RPS6KC1: variants seen among roughly 807,000 people sequenced by gnomAD.
RPS6KC1 encodes inactive ribosomal protein S6 kinase delta-1.
RPS6KC1 carries 54 observed loss-of-function variants against 103.8 expected under a neutral mutation model. The observed-to-expected ratio is 0.52, with a 90% CI of 0.42 to 0.65. The LOEUF (loss-of-function observed/expected upper bound fraction) is 0.65, where lower values mean the gene tolerates loss of function less well. RPS6KC1 is among the 30% of genes least tolerant of loss of function. The probability of loss-of-function intolerance (pLI) is 0.00; values close to 1 mark genes in which losing one functional copy is unlikely to be tolerated. For synonymous variants in RPS6KC1, 439 were observed against 438.7 expected, an observed-to-expected ratio of 1.00 and a Z score of -0.01; for missense variants, 1,151 against 1,253.8, an observed-to-expected ratio of 0.92 and a Z score of 1.24.
the RPS6KC1 span, among the ~76,000 whole-genome samples, chr1:213,486,994 C>T: frequency 6.6e-6 from 1 of 152,188 alleles, no homozygotes; most frequent in Non-Finnish European, 1.5e-5. Flanking sequence ...TACATCTGGT[C>T]AATCAGTCCT....
the RPS6KC1 span, among the ~76,000 whole-genome samples, chr1:213,490,687 T>C: frequency 6.6e-6 from 1 of 152,292 alleles, no homozygotes; most frequent in East Asian, 1.9e-4. Flanking sequence ...TAGTTCAAGA[T>C]GGCAGGACTG....
At chr1:213,424,725 G>T in the RPS6KC1 span, among the ~76,000 whole-genome samples, 3 of 152,246 alleles carry the variant, frequency 2.0e-5, no homozygotes, top group East Asian at 5.8e-4. Flanking sequence ...TGGGCATTTT[G>T]CAGGCAATGG....
At chr1:213,257,417 T>C (rs1327236271) in intron 12 of RPS6KC1, among the ~76,000 whole-genome samples, 1 of 152,208 alleles carries the variant, frequency 6.6e-6, no homozygotes, top group Admixed American at 6.5e-5. Context: ...CCTTAGCACA[T>C]GTTATTAGAC....
chr1:213,782,712 C>T, the RPS6KC1 span, among the ~76,000 whole-genome samples: 1 of 152,076 alleles, frequency 6.6e-6, no homozygotes. Context: ...AAAAGAAGGA[C>T]ATGCACAAAA....
the RPS6KC1 span, among the ~76,000 whole-genome samples, chr1:213,586,054 A>G: frequency 1.3e-5 from 2 of 151,908 alleles, no homozygotes; most frequent in African/African-American, 4.8e-5. Flanking sequence ...TCTCCAGGAG[A>G]CCAATCTTTC....
chr1:213,148,549 CTTT>C (rs2088173566), intron 6 of RPS6KC1, among the ~76,000 whole-genome samples: 1 of 152,086 alleles, frequency 6.6e-6, no homozygotes, highest in African/African-American at 2.4e-5. Context: ...GATGTGTGAT[CTTT>C]ACAATGTATT....
chr1:213,823,115 C>T, the RPS6KC1 span, among the ~76,000 whole-genome samples: 4 of 152,214 alleles, frequency 2.6e-5, no homozygotes, highest in Non-Finnish European at 5.9e-5. Context: ...CTACTTCCTA[C>T]TTCCTCTGCC....
the RPS6KC1 span, among the ~76,000 whole-genome samples, chr1:213,610,125 T>G: frequency 6.6e-6 from 1 of 152,172 alleles, no homozygotes; most frequent in African/African-American, 2.4e-5. Flanking sequence ...GTTGTTTCAT[T>G]GTTCACATGA....
chr1:213,551,130 C>T, the RPS6KC1 span, among the ~76,000 whole-genome samples: 11 of 152,146 alleles, frequency 7.2e-5, no homozygotes, highest in Non-Finnish European at 1.5e-5. Context: ...TGCTGAATAG[C>T]CACAGCAATT....
At chr1:213,683,015 G>A in the RPS6KC1 span, among the ~76,000 whole-genome samples, 3 of 152,286 alleles carry the variant, frequency 2.0e-5, no homozygotes, top group Non-Finnish European at 4.4e-5. Flanking sequence ...ACTTTATCAC[G>A]TGGGTGTTTT....
intron 2 of RPS6KC1, chr1:213,073,030 AGTG>A: frequency 2.6e-6 from 1 of 385,408 alleles, no homozygotes; most frequent in Non-Finnish European, 3.5e-6. Context: ...CTTTGTTAGA[AGTG>A]GTATAAATTT....
chr1:213,563,845 G>A, the RPS6KC1 span, among the ~76,000 whole-genome samples: 28 of 150,992 alleles, frequency 1.9e-4, no homozygotes, highest in Middle Eastern at 0.014. Flanking sequence ...ACTTTTATAC[G>A]CTAAATTAAT....
the RPS6KC1 span, among the ~76,000 whole-genome samples, chr1:213,430,994 T>A: frequency 1.3e-5 from 2 of 151,076 alleles, no homozygotes; most frequent in South Asian, 2.1e-4. Flanking sequence ...TTGAGTGAAA[T>A]GGACACAGAA....
chr1:213,125,860 CTA>C (rs1406974465), intron 5 of RPS6KC1: 1 of 152,016 alleles, frequency 6.6e-6, no homozygotes, highest in East Asian at 1.9e-4. Flanking sequence ...GGAAATATGA[CTA>C]TGGTACCAGT....
chr1:213,625,291 G>C, the RPS6KC1 span, among the ~76,000 whole-genome samples: 171 of 152,212 alleles, frequency 1.1e-3, no homozygotes, highest in Non-Finnish European at 1.8e-3. Context: ...CTGATTTATT[G>C]TATGTCTTAG....
chr1:213,710,309 T>A, the RPS6KC1 span, among the ~76,000 whole-genome samples: 1 of 152,240 alleles, frequency 6.6e-6, no homozygotes, highest in Admixed American at 6.5e-5. Flanking sequence ...TGGTTTAAAG[T>A]CTGTCTTATC....
the RPS6KC1 span, among the ~76,000 whole-genome samples, chr1:213,598,380 T>G: frequency 6.6e-6 from 1 of 152,192 alleles, no homozygotes; most frequent in Non-Finnish European, 1.5e-5. Flanking sequence ...CTATCCAGGA[T>G]GTTAAACAAT....
the RPS6KC1 span, among the ~76,000 whole-genome samples, chr1:213,736,488 G>C: frequency 6.6e-6 from 1 of 152,190 alleles, no homozygotes. Flanking sequence ...TTCAAGAAGA[G>C]TTCTAGCTCT....
At chr1:213,081,026 A>G (rs1010252240) in intron 3 of RPS6KC1, among the ~76,000 whole-genome samples, 2 of 152,210 alleles carry the variant, frequency 1.3e-5, no homozygotes, top group South Asian at 2.1e-4. Flanking sequence ...ACATCAGGGA[A>G]TTGAAATCAT....
Sources: gnomAD v4.1 joint callset for allele counts (sites outside exome capture counted in the v4.1 genomes callset) on GRCh38, gnomAD v4.1.1 for gene constraint, MANE v1.5 for transcripts, NCBI Gene and HGNC (gene_info 2026-07-23, HGNC 2026-07-21) for gene names.